Variants in C14orf39 observed in about 807,000 individuals in gnomAD.
The protein encoded by C14orf39 is chromosome 14 open reading frame 39, also known as protein SIX6OS1.
A neutral mutation model predicts 85.6 loss-of-function variants in C14orf39; 66 were observed. That is an observed-to-expected ratio of 0.77 (90% CI 0.63 to 0.95). The LOEUF (loss-of-function observed/expected upper bound fraction) is 0.95. Among genes scored for constraint, C14orf39 ranks in the 40% least tolerant of loss-of-function variants. C14orf39 has a pLI of 0.00. For missense variants in C14orf39, 735 were observed against 663.9 expected, an observed-to-expected ratio of 1.11 and a Z score of -1.18; for synonymous variants, 242 against 214.0, an observed-to-expected ratio of 1.13 and a Z score of -1.14.
At chr14:60,460,798 C>T (rs1005848293) in intron 13 of C14orf39, among the ~76,000 whole-genome samples, 2 of 151,346 alleles carry the variant, frequency 1.3e-5, no homozygotes, top group African/African-American at 2.4e-5. Flanking sequence ...TGTGATCCTT[C>T]GGTAACTTTA....
At chr14:60,461,479 T>A in intron 12 of C14orf39, 29 bp downstream of exon 12, 1 of 1,573,962 alleles carries the variant, frequency 6.4e-7, no homozygotes, top group Non-Finnish European at 8.6e-7. Flanking sequence ...TTTCAGAGAT[T>A]AAAGCATTTT....
chr14:60,454,226 C>A (rs182364210), intron 16 of C14orf39, among the ~76,000 whole-genome samples: 3 of 151,914 alleles, frequency 2.0e-5, no homozygotes, highest in African/African-American at 4.8e-5. Context: ...ATATTCTAAT[C>A]CACATAAAAT....
At chr14:60,468,393 T>G (rs1891898199) in intron 9 of C14orf39, 52 bp downstream of exon 9, 2 of 1,167,364 alleles carry the variant, frequency 1.7e-6, no homozygotes, top group African/African-American at 3.2e-5. Context: ...ATCAAACTTT[T>G]AGATGCAAAA....
At chr14:60,443,190 A>G (rs1172165166) in intron 16 of C14orf39, among the ~76,000 whole-genome samples, 1 of 152,178 alleles carries the variant, frequency 6.6e-6, no homozygotes, top group Non-Finnish European at 1.5e-5. Flanking sequence ...GGTGCAGCCC[A>G]CAGAGGGTGA....
chr14:60,471,925 C>A (rs1312033329), intron 5 of C14orf39, among the ~76,000 whole-genome samples, 186 bp from the exon 6 acceptor site: 1 of 151,918 alleles, frequency 6.6e-6, no homozygotes, highest in African/African-American at 2.4e-5. Context: ...GACTCTTTTT[C>A]TTCATTACCT....
intron 16 of C14orf39, among the ~76,000 whole-genome samples, chr14:60,452,407 C>G (rs1891079571): frequency 6.6e-6 from 1 of 151,648 alleles, no homozygotes; most frequent in South Asian, 2.1e-4. Context: ...GAAAGACAAA[C>G]AACATATTCT....
chr14:60,504,234 C>T (rs946158342), intron 1 of C14orf39, among the ~76,000 whole-genome samples: 4 of 152,196 alleles, frequency 2.6e-5, no homozygotes, highest in Non-Finnish European at 4.4e-5. Flanking sequence ...TTTTTGCTAA[C>T]TAGCTGGATC....
chr14:60,474,308 A>G (rs1353795235), intron 5 of C14orf39, among the ~76,000 whole-genome samples: 5 of 152,030 alleles, frequency 3.3e-5, no homozygotes, highest in Admixed American at 2.0e-4. Flanking sequence ...GGGCTGAGAC[A>G]ATGGTGTTTT....
chr14:60,465,631 C>T (rs1031156749), intron 11 of C14orf39, among the ~76,000 whole-genome samples: 2 of 152,058 alleles, frequency 1.3e-5, no homozygotes, highest in African/African-American at 4.8e-5. Flanking sequence ...ATGTCCTGGG[C>T]AATAATTTCC....
At chr14:60,470,863 A>G in intron 7 of C14orf39, among the ~76,000 whole-genome samples, 1 of 151,932 alleles carries the variant, frequency 6.6e-6, no homozygotes, top group Admixed American at 6.6e-5. Context: ...TTTCAAGTTC[A>G]TCATCAGGGA....
upstream of C14orf39, among the ~76,000 whole-genome samples, chr14:60,490,476 T>A (rs911244031): frequency 7.8e-6 from 1 of 127,512 alleles, no homozygotes; most frequent in African/African-American, 2.6e-5. Context: ...AATAAATAAA[T>A]AAATAAATAA....
chr14:60,456,847 T>C (rs1481319897), intron 15 of C14orf39, 70 bp downstream of exon 15: 6 of 1,333,216 alleles, frequency 4.5e-6, no homozygotes, highest in Non-Finnish European at 6.1e-6. Context: ...AGCATTTTAC[T>C]ATTCCTATCA....
At chr14:60,489,243 C>A (rs1892949550), upstream of C14orf39, among the ~76,000 whole-genome samples, 1 of 152,132 alleles carries the variant, frequency 6.6e-6, no homozygotes, top group Non-Finnish European at 1.5e-5. Flanking sequence ...TTGATATTTT[C>A]TTTGTATGCA....
intron 16 of C14orf39, among the ~76,000 whole-genome samples, chr14:60,446,784 A>G (rs1890786408): frequency 6.6e-6 from 1 of 152,148 alleles, no homozygotes; most frequent in African/African-American, 2.4e-5. Flanking sequence ...GATGAACATC[A>G]ATGTGAAAAT....
rs1253274593 is a variant in C14orf39, at chr14:60,436,357, G to A, written c.*488C>T. 1.3e-5 allele frequency: 2 copies of A among 152,030 alleles called. No homozygotes were observed. The highest frequency in any genetic ancestry group is 1.3e-4 in the Admixed American group (2 of 15,236). 9.4% of individuals were successfully genotyped at this position (152,030 alleles called of 1,614,324 possible). On this transcript the variant is annotated 3_prime_UTR_variant, in exon 18 of 18. Transcript: ENST00000321731. ...ATTTTGTTATTAACATAAATTATTT[G>A]AAATTATTATTACAGTACCACTCTG...
At chr14:60,494,747 T>C (rs1595493824) in intron 2 of C14orf39, 1 of 152,488 alleles carries the variant, frequency 6.6e-6, no homozygotes, top group South Asian at 2.1e-4. Context: ...GCTCTACCAC[T>C]GCAGGCTAAA....
chr14:60,478,502 G>T, intron 4 of C14orf39, 113 bp from the exon 5 acceptor site: 2 of 508,346 alleles, frequency 3.9e-6, no homozygotes, highest in Non-Finnish European at 6.6e-6. Flanking sequence ...TCTCTTCCTG[G>T]AGAAAACAAG....
chr14:60,466,997 C>A lies in C14orf39; in HGVS notation c.815G>T (p.Ser272Ile), dbSNP rs766955736. Residue 272 changes from serine (S) to isoleucine (I), a missense_variant, in exon 10 of 18, where the codon AGC becomes ATC. Coordinates refer to ENST00000321731, the MANE Select transcript of C14orf39 (RefSeq NM_174978.3). Reference sequence around the variant, plus strand: ...TTCATAAGGAAGAAATAATTGACTGCTTTGAGTTTTATTCAATGTAAGTAC... The same window carrying A: ...TTCATAAGGAAGAAATAATTGACTGATTTGAGTTTTATTCAATGTAAGTAC... ...EHVLTLNKTQ[S>I]SQLFLPYESQ... The A allele has an allele frequency of 6.8e-7, 1 of 1,466,484 alleles. No individual in the cohort carries two copies. The highest frequency in any genetic ancestry group is 2.5e-5 in the Admixed American group (1 of 40,550). The allele number at this position is 1,466,484 out of a possible 1,614,324, so 90.8% of individuals were successfully genotyped here. A position where few individuals can be genotyped will look rare whatever the true frequency, so the allele number is the denominator to read the frequency against.
intron 2 of C14orf39, among the ~76,000 whole-genome samples, chr14:60,498,001 T>C (rs984510690): frequency 5.3e-5 from 8 of 152,218 alleles, no homozygotes; most frequent in African/African-American, 1.9e-4. Context: ...TCCTGGTAAA[T>C]ACAGAAAAGT....
Sources: gnomAD v4.1 joint callset for allele counts (sites outside exome capture counted in the v4.1 genomes callset) on GRCh38, gnomAD v4.1.1 for gene constraint, MANE v1.5 for transcripts, NCBI Gene and HGNC (gene_info 2026-07-23, HGNC 2026-07-21) for gene names.